The following ANXA10 variants were observed in gnomAD, a reference collection of about 807,000 sequenced individuals.
ANXA10 encodes the protein annexin 14.
In ANXA10, 49 loss-of-function variants were observed where a neutral mutation model predicts 53.5. The observed-to-expected ratio is 0.92, with a 90% CI of 0.73 to 1.16. The LOEUF (loss-of-function observed/expected upper bound fraction) is 1.16. Among genes scored for constraint, ANXA10 ranks in the 50% most tolerant of loss-of-function variants. ANXA10 has a pLI of 0.00. For synonymous variants in ANXA10, 131 were observed against 128.9 expected, an observed-to-expected ratio of 1.02 and a Z score of -0.11; for missense variants, 393 against 394.4, an observed-to-expected ratio of 1.00 and a Z score of 0.03.
chr4:168,136,637 C>A (rs1731242015), intron 2 of ANXA10, among the ~76,000 whole-genome samples: 1 of 152,180 alleles, frequency 6.6e-6, no homozygotes, highest in Admixed American at 6.5e-5. Flanking sequence ...GGAAGCTCCG[C>A]CCCCATGGCT....
rs185398873 is a variant in ANXA10 at position 168,144,437 on chromosome 4, T to G, written c.195+4857T>G. On this transcript the variant is annotated intron_variant, in intron 3 of 11. Coordinates refer to ENST00000359299, the MANE Select transcript of ANXA10 (RefSeq NM_007193.5). Reference sequence around the variant, plus strand: ...CCTGACCTCAGGTGATCCACCTACCTTGGCCTCCCAAAGTGCTGGGATTAC... The same window carrying G: ...CCTGACCTCAGGTGATCCACCTACCGTGGCCTCCCAAAGTGCTGGGATTAC... 3.0e-3 allele frequency among the ~76,000 whole-genome samples: 452 copies of G among 152,320 alleles called. 1 individual carries two copies. Among genetic ancestry groups the G allele is most frequent in the Non-Finnish European group, 4.7e-3 (322 of 68,018 alleles).
chr4:168,186,117 A>C (rs1477259305), intron 11 of ANXA10, among the ~76,000 whole-genome samples: 1 of 152,266 alleles, frequency 6.6e-6, no homozygotes, highest in East Asian at 1.9e-4. Flanking sequence ...AAGTCTGCTA[A>C]TATGAAAATG....
intron 6 of ANXA10, among the ~76,000 whole-genome samples, chr4:168,175,256 A>T (rs554533029): frequency 2.0e-5 from 3 of 152,340 alleles, no homozygotes; most frequent in Admixed American, 6.5e-5. Context: ...ATTCAATAAG[A>T]TGAAGACTAA....
At chr4:168,104,253 A>G (rs1162605620) in intron 1 of ANXA10, among the ~76,000 whole-genome samples, 1 of 151,950 alleles carries the variant, frequency 6.6e-6, no homozygotes, top group East Asian at 1.9e-4. Flanking sequence ...AACACAACTA[A>G]GTTGTACTAC....
chr4:168,139,547 G>C lies in ANXA10; in HGVS notation c.162G>C (p.Met54Ile). The C allele has an allele frequency of 6.2e-7, 1 of 1,612,692 alleles. No homozygotes were observed. Among genetic ancestry groups the C allele is most frequent in the East Asian group, 2.2e-5 (1 of 44,824 alleles). The change falls in exon 3 of 12, where the codon ATG (methionine) becomes ATC (isoleucine). Residue 54 changes from methionine to isoleucine, a missense_variant. Transcript: ENST00000359299. ...AGCGCTGCAATGCACAAAGGATGAT[G>C]ATTGCAGAGGCATACCAGAGCATGT... ...LTQRCNAQRMMIAEAYQSMYG... is the reference protein window; with the variant it reads ...LTQRCNAQRMIIAEAYQSMYG...
chr4:168,185,944 G>C (rs975290310), intron 11 of ANXA10, among the ~76,000 whole-genome samples: 5 of 152,190 alleles, frequency 3.3e-5, no homozygotes, highest in Admixed American at 1.3e-4. Flanking sequence ...AGTTGATGGA[G>C]CAGTTAAGAG....
Position 168,092,612 on chromosome 4 carries a change from G to T in ANXA10, c.-89G>T. 7.6e-7 allele frequency: 1 copy of T among 1,308,686 alleles called. No individual in the cohort carries two copies. The highest frequency in any genetic ancestry group is 1.3e-5 in the South Asian group (1 of 77,694). 81.1% of individuals were successfully genotyped at this position (1,308,686 alleles called of 1,614,324 possible). ...ACATATTTACATTTGATTTAACAGTGAACCTTAATTCTTTCTGGCTTCACA... is the reference window on the plus strand; with the variant it reads ...ACATATTTACATTTGATTTAACAGTTAACCTTAATTCTTTCTGGCTTCACA... On this transcript the variant is annotated 5_prime_UTR_variant, in exon 1 of 12. Coordinates refer to ENST00000359299, the MANE Select transcript of ANXA10 (RefSeq NM_007193.5).
intron 3 of ANXA10, among the ~76,000 whole-genome samples, chr4:168,158,495 T>C (rs1296667898): frequency 1.3e-5 from 2 of 152,220 alleles, no homozygotes; most frequent in African/African-American, 2.4e-5. Context: ...ATTTTTTGTC[T>C]ACACCAAGTG....
rs369498992 is a variant in ANXA10, at chr4:168,121,114, T to C, written c.19-6970T>C. Among the ~76,000 whole-genome samples the C allele has an allele frequency of 5.9e-5, 9 of 152,282 alleles. No individual in the cohort carries two copies. In the South Asian group the frequency reaches 1.4e-3, roughly 25 times the overall value. ...ATGTTTTCATTTGATGTTTATAATT[T>C]TTAATTCTGAGTAGTGAGACTGAGG... On this transcript the variant is annotated intron_variant, in intron 1 of 11. Coordinates refer to ENST00000359299, the MANE Select transcript of ANXA10 (RefSeq NM_007193.5).
At chr4:168,180,334 C>T (rs1323511386) in intron 9 of ANXA10, among the ~76,000 whole-genome samples, 2 of 152,144 alleles carry the variant, frequency 1.3e-5, no homozygotes, top group African/African-American at 2.4e-5. Flanking sequence ...AAGTAACTGC[C>T]TCCAAGCCTA....
intron 5 of ANXA10, 56 bp from the exon 6 acceptor site, chr4:168,165,191 C>G (rs747839499): frequency 8.5e-7 from 1 of 1,178,748 alleles, no homozygotes; most frequent in East Asian, 2.5e-5. Context: ...TTACTCAAAA[C>G]ACACTGATAC....
intron 1 of ANXA10, among the ~76,000 whole-genome samples, chr4:168,127,010 T>G (rs913902302): frequency 3.3e-5 from 5 of 152,152 alleles, no homozygotes; most frequent in Non-Finnish European, 7.4e-5. Flanking sequence ...ATTAATTAAC[T>G]TAATTAATAG....
At chr4:168,096,584 A>C (rs1303753530) in intron 1 of ANXA10, among the ~76,000 whole-genome samples, 1 of 152,110 alleles carries the variant, frequency 6.6e-6, no homozygotes, top group East Asian at 1.9e-4. Context: ...TAGTGGCTAA[A>C]GATACACTTA....
chr4:168,094,646 T>TAA, intron 1 of ANXA10, among the ~76,000 whole-genome samples: 1 of 152,202 alleles, frequency 6.6e-6, no homozygotes, highest in South Asian at 2.1e-4. Flanking sequence ...GCAGTATATA[T>TAA]AACATCTGAA....
At chr4:168,142,696 T>C (rs1731345772) in intron 3 of ANXA10, among the ~76,000 whole-genome samples, 1 of 152,218 alleles carries the variant, frequency 6.6e-6, no homozygotes, top group South Asian at 2.1e-4. Flanking sequence ...CATACCAAGA[T>C]TGCTTAATTA....
chr4:168,167,045 T>C (rs1466102499), intron 6 of ANXA10, among the ~76,000 whole-genome samples: 3 of 152,138 alleles, frequency 2.0e-5, no homozygotes, highest in Non-Finnish European at 4.4e-5. Flanking sequence ...TAATTGTCTA[T>C]TCTTTCATCC....
chr4:168,105,096 G>T (rs1730698357), intron 1 of ANXA10, among the ~76,000 whole-genome samples: 1 of 151,614 alleles, frequency 6.6e-6, no homozygotes, highest in Non-Finnish European at 1.5e-5. Context: ...TTTGGGATCT[G>T]TAGATTTGGG....
intron 11 of ANXA10, among the ~76,000 whole-genome samples, chr4:168,185,191 C>T (rs2604060): frequency 1.2e-4 from 18 of 152,226 alleles, no homozygotes; most frequent in African/African-American, 4.3e-4. Flanking sequence ...AACCCTTTAC[C>T]TCAGCGACAG....
chr4:168,128,969 T>A (rs1294529894), intron 2 of ANXA10, among the ~76,000 whole-genome samples: 2 of 151,834 alleles, frequency 1.3e-5, no homozygotes, highest in Admixed American at 6.6e-5. Flanking sequence ...ATATAATTTT[T>A]AAGATATCAT....
Sources: allele counts gnomAD v4.1 joint callset (sites outside exome capture counted in the v4.1 genomes callset), GRCh38; gene constraint gnomAD v4.1.1; transcripts MANE v1.5; gene names NCBI Gene and HGNC (gene_info 2026-07-23, HGNC 2026-07-21).